Variants in EPSTI1 observed in about 807,000 individuals in gnomAD.
The protein encoded by EPSTI1 is epithelial stromal interaction 1.
In EPSTI1, 66 loss-of-function variants were observed where a neutral mutation model predicts 49.9. That is an observed-to-expected ratio of 1.32 (90% CI 1.08 to 1.62). The LOEUF is 1.62. Among genes scored for constraint, EPSTI1 ranks in the 40% most tolerant of loss-of-function variants. The pLI is 0.00. For synonymous variants in EPSTI1, 137 were observed against 130.7 expected (o/e 1.05, Z -0.33); for missense variants, 394 against 365.5 (o/e 1.08, Z -0.64).
chr13:42,906,280 CAGG>C (rs1302150978), intron 8 of EPSTI1, among the ~76,000 whole-genome samples: 3 of 137,174 alleles, frequency 2.2e-5, no homozygotes, highest in Non-Finnish European at 3.5e-5. Flanking sequence ...ATACAACAGA[CAGG>C]TGTGTGTAAA....
chr13:42,905,945 A>G (rs1368248835), intron 8 of EPSTI1, among the ~76,000 whole-genome samples: 1 of 152,268 alleles, frequency 6.6e-6, no homozygotes, highest in Non-Finnish European at 1.5e-5. Flanking sequence ...ACAGAGCTGC[A>G]TACAAACGAG....
At chr13:42,953,584 A>G (rs1198711658) in intron 6 of EPSTI1, among the ~76,000 whole-genome samples, 1 of 152,250 alleles carries the variant, frequency 6.6e-6, no homozygotes, top group Non-Finnish European at 1.5e-5. Flanking sequence ...TCAGTCCATC[A>G]GATAAATCCC....
At chr13:42,974,397 C>T (rs1224293033) in intron 1 of EPSTI1, among the ~76,000 whole-genome samples, 2 of 152,210 alleles carry the variant, frequency 1.3e-5, no homozygotes, top group East Asian at 3.9e-4. Context: ...GTGGCTCACG[C>T]CTGTAATCCC....
rs756480395 is a variant in EPSTI1, at chr13:42,900,413, T to C, written c.742-30A>G. ...GAACAATAAAAGTTTTAAAATATGG[T>C]TTTCAATTAACACAGTTGTACAGAA... On this transcript the variant is annotated intron_variant, in intron 8 of 10. Transcript: ENST00000313624. The C allele has an allele frequency of 1.4e-5, 23 of 1,602,672 alleles. No individual in the cohort carries two copies. The East Asian group carries it at 3.4e-4, about 23-fold the overall frequency.
chr13:42,992,122 G>C lies in EPSTI1; in HGVS notation c.44C>G (p.Ser15Cys). Reference protein sequence around the residue: ...NRVVNSGLGASPASRPTRDPQ... With the variant: ...NRVVNSGLGACPASRPTRDPQ... Reference sequence around the variant, plus strand: ...ATCCCGGGTCGGGCGGGAGGCAGGGGAGGCGCCGAGCCCGGAGTTCACCAC... The same window carrying C: ...ATCCCGGGTCGGGCGGGAGGCAGGGCAGGCGCCGAGCCCGGAGTTCACCAC... Residue 15 changes from serine (S) to cysteine (C), a missense_variant, in exon 1 of 11, where the codon TCC becomes TGC. Ser to Cys is a moderately radical substitution (Grantham distance 112, BLOSUM62 -1). Coordinates refer to ENST00000313624, the MANE Select transcript of EPSTI1 (RefSeq NM_033255.5). 1 of 1,608,576 alleles carries C rather than the reference G, an allele frequency of 6.2e-7. No homozygotes were observed. Among genetic ancestry groups the C allele is most frequent in the East Asian group, 2.2e-5 (1 of 44,844 alleles).
At chr13:42,970,919 G>A (rs867234522) in intron 1 of EPSTI1, among the ~76,000 whole-genome samples, 2 of 152,280 alleles carry the variant, frequency 1.3e-5, no homozygotes. Flanking sequence ...TGACTAGTTG[G>A]TGTACTGTCC....
chr13:42,939,488 G>T (rs1372845823), intron 6 of EPSTI1, among the ~76,000 whole-genome samples: 1 of 152,082 alleles, frequency 6.6e-6, no homozygotes, highest in Non-Finnish European at 1.5e-5. Flanking sequence ...TTATTAATTG[G>T]CCTAATTTCA....
At position 42,963,614 on chromosome 13, in the gene EPSTI1, G is replaced by A. The variant is rs1460522620; in HGVS notation, c.406-276C>T. The A allele has an allele frequency of 2.1e-5, 9 of 425,744 alleles. No individual in the cohort carries two copies. The East Asian group carries it at 3.7e-4, about 18-fold the overall frequency. The allele number at this position is 425,744 out of a possible 1,614,324, so 26.4% of individuals were successfully genotyped here. On this transcript the variant is annotated intron_variant, in intron 4 of 10. Transcript: ENST00000313624. ...TCTGTCTCTCTCTGTGTGTATGTGT[G>A]TGTGGTGTGTGTGTGTATTGGGGAG...
intron 8 of EPSTI1, among the ~76,000 whole-genome samples, chr13:42,912,408 G>A (rs2037713017): frequency 6.6e-6 from 1 of 152,164 alleles, no homozygotes; most frequent in Non-Finnish European, 1.5e-5. Context: ...GCATGGCTGG[G>A]CTCAGGGAAA....
At chr13:42,921,702 A>G (rs1566118849) in intron 7 of EPSTI1, among the ~76,000 whole-genome samples, 1 of 152,096 alleles carries the variant, frequency 6.6e-6, no homozygotes, top group Non-Finnish European at 1.5e-5. Context: ...TGGAGGTGCA[A>G]CCCAGGTATC....
intron 9 of EPSTI1, 148 bp downstream of exon 9, chr13:42,900,162 A>C: frequency 2.9e-6 from 2 of 690,938 alleles, no homozygotes; most frequent in South Asian, 3.5e-5. Flanking sequence ...ATACCTCTAC[A>C]TATATCACGT....
intron 6 of EPSTI1, among the ~76,000 whole-genome samples, chr13:42,953,234 ATAT>A (rs1214869090): frequency 1.5e-5 from 2 of 137,576 alleles, no homozygotes; most frequent in Non-Finnish European, 3.1e-5. Flanking sequence ...TATAAGATAG[ATAT>A]TATCTGTATT....
chr13:42,927,004 C>CACACAT (rs1205235150), intron 6 of EPSTI1, among the ~76,000 whole-genome samples: 1 of 151,130 alleles, frequency 6.6e-6, no homozygotes, highest in Non-Finnish European at 1.5e-5. Flanking sequence ...CACACACACA[C>CACACAT]ACACACACAC....
At chr13:42,920,249 C>T (rs1357399585) in intron 7 of EPSTI1, among the ~76,000 whole-genome samples, 1 of 152,114 alleles carries the variant, frequency 6.6e-6, no homozygotes, top group Non-Finnish European at 1.5e-5. Flanking sequence ...TTAAGTTCTC[C>T]TTTCAAGATG....
At chr13:42,920,836 C>T (rs1362750600) in intron 7 of EPSTI1, among the ~76,000 whole-genome samples, 1 of 151,792 alleles carries the variant, frequency 6.6e-6, no homozygotes, top group Non-Finnish European at 1.5e-5. Context: ...ACTGTTTCTT[C>T]TGAGAAGTAA....
intron 6 of EPSTI1, among the ~76,000 whole-genome samples, chr13:42,946,352 A>T (rs2038917581): frequency 6.6e-6 from 1 of 151,962 alleles, no homozygotes; most frequent in Non-Finnish European, 1.5e-5. Context: ...AAATAGGAAG[A>T]CCCTATTTTG....
chr13:42,968,786 C>T (rs148210516), intron 3 of EPSTI1, among the ~76,000 whole-genome samples: 11 of 152,134 alleles, frequency 7.2e-5, no homozygotes, highest in Non-Finnish European at 1.0e-4. Context: ...GCATATGCAG[C>T]GCCCCAGGTA....
At chr13:42,919,165 G>T in intron 7 of EPSTI1, 1 of 682,024 alleles carries the variant, frequency 1.5e-6, no homozygotes, top group South Asian at 2.3e-5. Flanking sequence ...CTTAGTTTTT[G>T]ACTCAGAAAA....
At chr13:42,948,422 G>GTTTT (rs1337614110) in intron 6 of EPSTI1, among the ~76,000 whole-genome samples, 2 of 113,946 alleles carry the variant, frequency 1.8e-5, no homozygotes, top group Admixed American at 8.4e-5. Flanking sequence ...AGAGTGGCTT[G>GTTTT]TTGTTTTTTT....
Sources: gnomAD v4.1 joint callset for allele counts (sites outside exome capture counted in the v4.1 genomes callset) on GRCh38, gnomAD v4.1.1 for gene constraint, MANE v1.5 for transcripts, NCBI Gene and HGNC (gene_info 2026-07-23, HGNC 2026-07-21) for gene names.